ARHGAP24: variants seen among roughly 807,000 people sequenced by gnomAD.
The protein encoded by ARHGAP24 is rho GTPase-activating protein 24.
In ARHGAP24, 50 loss-of-function variants were observed where a neutral mutation model predicts 76.4. The ratio of observed to expected loss-of-function variants is 0.65; its 90% CI spans 0.52 to 0.83. The LOEUF is 0.83. Among genes scored for constraint, ARHGAP24 ranks in the 40% least tolerant of loss-of-function variants. ARHGAP24 has a pLI of 0.00. For synonymous variants in ARHGAP24, 345 were observed against 323.3 expected (o/e 1.07, Z -0.72); for missense variants, 930 against 914.2 (o/e 1.02, Z -0.22).
chr4:85,518,875 G>T (rs1724626621), intron 1 of ARHGAP24, among the ~76,000 whole-genome samples: 1 of 152,140 alleles, frequency 6.6e-6, no homozygotes, highest in Non-Finnish European at 1.5e-5. Flanking sequence ...CCTCTGGGTA[G>T]ATACCTAGTG....
chr4:85,481,386 G>A (rs1014624214), intron 1 of ARHGAP24, among the ~76,000 whole-genome samples: 1 of 152,106 alleles, frequency 6.6e-6, no homozygotes, highest in Non-Finnish European at 1.5e-5. Context: ...AATAAACTGT[G>A]TATTTCATGG....
intron 1 of ARHGAP24, among the ~76,000 whole-genome samples, chr4:85,494,297 C>T (rs368286244): frequency 2.6e-5 from 4 of 152,250 alleles, no homozygotes; most frequent in South Asian, 4.2e-4. Context: ...CCCCCAACAT[C>T]GTGTGTGTGG....
intron 3 of ARHGAP24, among the ~76,000 whole-genome samples, chr4:85,874,581 T>C (rs1395318187): frequency 1.3e-5 from 2 of 151,880 alleles, no homozygotes; most frequent in East Asian, 1.9e-4. Context: ...GTTAGTATTC[T>C]GGGGAAAGTC....
At chr4:85,965,317 A>C (rs1413134864) in intron 5 of ARHGAP24, among the ~76,000 whole-genome samples, 1 of 152,060 alleles carries the variant, frequency 6.6e-6, no homozygotes, top group East Asian at 1.9e-4. Flanking sequence ...TGAGAACAGC[A>C]CAGGAAAGAC....
chr4:85,729,356 A>G (rs1298896219), intron 3 of ARHGAP24, among the ~76,000 whole-genome samples: 1 of 152,218 alleles, frequency 6.6e-6, no homozygotes, highest in Non-Finnish European at 1.5e-5. Context: ...TTTTTGTTTC[A>G]AAATTCCCTT....
chr4:85,565,819 T>C (rs1381016383), intron 1 of ARHGAP24, among the ~76,000 whole-genome samples: 1 of 152,224 alleles, frequency 6.6e-6, no homozygotes, highest in African/African-American at 2.4e-5. Flanking sequence ...TGCTTATATA[T>C]TCTTTGTTGA....
chr4:85,744,189 G>A (rs1416603132), intron 3 of ARHGAP24, among the ~76,000 whole-genome samples: 1 of 152,186 alleles, frequency 6.6e-6, no homozygotes, highest in African/African-American at 2.4e-5. Flanking sequence ...TAGAAGCCAT[G>A]TTCTACTTGA....
intron 3 of ARHGAP24, among the ~76,000 whole-genome samples, chr4:85,860,929 T>A (rs1168699959): frequency 6.6e-6 from 1 of 151,996 alleles, no homozygotes; most frequent in African/African-American, 2.4e-5. Flanking sequence ...TTAATCAGTA[T>A]TTAATATCTA....
chr4:85,591,726 C>A (rs1320133196), intron 2 of ARHGAP24, among the ~76,000 whole-genome samples: 1 of 152,144 alleles, frequency 6.6e-6, no homozygotes, highest in East Asian at 1.9e-4. Flanking sequence ...CTGACATTTT[C>A]TTCATTGCAA....
At chr4:85,678,076 A>T (rs1419323145) in intron 2 of ARHGAP24, among the ~76,000 whole-genome samples, 3 of 151,912 alleles carry the variant, frequency 2.0e-5, no homozygotes, top group Non-Finnish European at 4.4e-5. Context: ...ATTTTAAAAA[A>T]AGGCTATTCC....
chr4:85,963,101 T>G (rs1738360966), intron 5 of ARHGAP24, among the ~76,000 whole-genome samples: 1 of 152,064 alleles, frequency 6.6e-6, no homozygotes, highest in Non-Finnish European at 1.5e-5. Context: ...TCTTTATCAT[T>G]GTTTACTTTC....
At chr4:85,538,510 T>A (rs4440206) in intron 1 of ARHGAP24, among the ~76,000 whole-genome samples, 17,211 of 151,998 alleles carry the variant, frequency 0.11, 3,122 homozygotes, top group African/African-American at 0.38. Flanking sequence ...GGCCTCCAAG[T>A]GCCCCTCTGT....
chr4:85,476,230 A>G (rs1319589758), intron 1 of ARHGAP24, among the ~76,000 whole-genome samples: 1 of 152,058 alleles, frequency 6.6e-6, no homozygotes, highest in Admixed American at 6.5e-5. Flanking sequence ...TTTAGAAAAT[A>G]CTTAAGACTA....
chr4:85,564,109 G>A (rs964002787), intron 1 of ARHGAP24, among the ~76,000 whole-genome samples: 1 of 152,128 alleles, frequency 6.6e-6, no homozygotes, highest in Non-Finnish European at 1.5e-5. Flanking sequence ...AGATCTGCAG[G>A]CATATGCTTA....
intron 2 of ARHGAP24, among the ~76,000 whole-genome samples, chr4:85,593,157 G>A (rs1333152112): frequency 6.6e-6 from 1 of 152,110 alleles, no homozygotes; most frequent in East Asian, 1.9e-4. Context: ...TTTAACTGGT[G>A]AGATGATATC....
At chr4:85,841,980 C>G (rs1730616629) in intron 3 of ARHGAP24, among the ~76,000 whole-genome samples, 1 of 151,896 alleles carries the variant, frequency 6.6e-6, no homozygotes. Context: ...GTAAAAGGAA[C>G]CAAAATAGCA....
chr4:85,848,663 A>G (rs566573740), intron 3 of ARHGAP24, among the ~76,000 whole-genome samples: 1 of 152,294 alleles, frequency 6.6e-6, no homozygotes, highest in African/African-American at 2.4e-5. Context: ...TTTCTACATA[A>G]TGGCTAGCCA....
At chr4:85,560,727 T>C (rs1726561538) in intron 1 of ARHGAP24, among the ~76,000 whole-genome samples, 1 of 152,222 alleles carries the variant, frequency 6.6e-6, no homozygotes, top group African/African-American at 2.4e-5. Context: ...TGTTTATTTT[T>C]AACTCAAATC....
intron 1 of ARHGAP24, among the ~76,000 whole-genome samples, chr4:85,517,353 T>C (rs1724549490): frequency 6.6e-6 from 1 of 151,864 alleles, no homozygotes; most frequent in African/African-American, 2.4e-5. Flanking sequence ...CTGAACAGTA[T>C]ATAATTGTGG....
Sources: gnomAD v4.1 joint callset for allele counts (sites outside exome capture counted in the v4.1 genomes callset) on GRCh38, gnomAD v4.1.1 for gene constraint, MANE v1.5 for transcripts, NCBI Gene and HGNC (gene_info 2026-07-23, HGNC 2026-07-21) for gene names.